The following NOX4 variants were observed in gnomAD, a reference collection of about 807,000 sequenced individuals.
NOX4 encodes NADPH oxidase 4, also known as kidney oxidase-1.
In NOX4, 69 loss-of-function variants were observed where a neutral mutation model predicts 87.6. The ratio of observed to expected loss-of-function variants is 0.79; its 90% CI spans 0.65 to 0.96. The LOEUF (loss-of-function observed/expected upper bound fraction) is 0.96, where lower values mean the gene tolerates loss of function less well. NOX4 is among the 40% of genes least tolerant of loss of function. The pLI is 0.00. For synonymous variants in NOX4, 275 were observed against 238.2 expected, an observed-to-expected ratio of 1.15 and a Z score of -1.42; for missense variants, 680 against 681.5, an observed-to-expected ratio of 1.00 and a Z score of 0.02.
At chr11:89,420,348 C>G (rs917730882) in intron 8 of NOX4, among the ~76,000 whole-genome samples, 3 of 152,074 alleles carry the variant, frequency 2.0e-5, no homozygotes, top group African/African-American at 7.2e-5. Flanking sequence ...TTAGTTGTAT[C>G]TGGTTATTCA....
the NOX4 span, among the ~76,000 whole-genome samples, chr11:89,563,728 T>C: frequency 6.6e-6 from 1 of 152,204 alleles, no homozygotes; most frequent in Admixed American, 6.5e-5. Flanking sequence ...CTGATTATTG[T>C]AGAAAATGAA....
chr11:89,443,147 T>A (rs1212675185), intron 5 of NOX4, among the ~76,000 whole-genome samples: 1 of 152,170 alleles, frequency 6.6e-6, no homozygotes, highest in Non-Finnish European at 1.5e-5. Context: ...TTAGATCATG[T>A]TGGTATTTTT....
At chr11:89,567,124 C>A in the NOX4 span, among the ~76,000 whole-genome samples, 5 of 152,154 alleles carry the variant, frequency 3.3e-5, no homozygotes, top group Non-Finnish European at 7.4e-5. Flanking sequence ...TGGGACGGGG[C>A]CAGTCTGATC....
chr11:89,421,836 G>T, intron 8 of NOX4, 66 bp downstream of exon 8: 1 of 901,310 alleles, frequency 1.1e-6, no homozygotes, highest in South Asian at 1.6e-5. Flanking sequence ...ATTTCCTATA[G>T]AGTTTTCTTT....
chr11:89,378,180 A>G (rs1178263542), intron 11 of NOX4, among the ~76,000 whole-genome samples: 1 of 152,168 alleles, frequency 6.6e-6, no homozygotes, highest in Non-Finnish European at 1.5e-5. Context: ...GGCCAAGCAC[A>G]TCTGTTTCAA....
chr11:89,460,925 T>C (rs897820004), intron 2 of NOX4, among the ~76,000 whole-genome samples: 3 of 152,148 alleles, frequency 2.0e-5, no homozygotes, highest in African/African-American at 7.2e-5. Flanking sequence ...CCAACAATGA[T>C]AGACTGGATT....
chr11:89,585,975 G>A, the NOX4 span, among the ~76,000 whole-genome samples: 1 of 151,776 alleles, frequency 6.6e-6, no homozygotes, highest in African/African-American at 2.4e-5. Flanking sequence ...TTAATTTCTT[G>A]TTCACCTCAA....
intron 2 of NOX4, among the ~76,000 whole-genome samples, chr11:89,477,378 G>A (rs527605952): frequency 1.2e-4 from 18 of 152,160 alleles, no homozygotes; most frequent in African/African-American, 4.1e-4. Flanking sequence ...GAGCTCAGGT[G>A]GTAATACAAG....
chr11:89,502,581 G>A (rs1947034098), upstream of NOX4, among the ~76,000 whole-genome samples: 1 of 151,952 alleles, frequency 6.6e-6, no homozygotes, highest in African/African-American at 2.4e-5. Flanking sequence ...TTACATGAGG[G>A]AGAATAAAAC....
At chr11:89,586,516 A>C in the NOX4 span, among the ~76,000 whole-genome samples, 1 of 152,176 alleles carries the variant, frequency 6.6e-6, no homozygotes, top group Non-Finnish European at 1.5e-5. Context: ...AAATAATGCA[A>C]GTAACTCATT....
At chr11:89,362,022 G>T (rs1247029826) in intron 12 of NOX4, among the ~76,000 whole-genome samples, 1 of 152,036 alleles carries the variant, frequency 6.6e-6, no homozygotes, top group Admixed American at 6.6e-5. Context: ...ACTCTGATGG[G>T]CAATATTTGC....
chr11:89,440,758 C>T lies in NOX4; in HGVS notation c.448-43G>A, dbSNP rs1293964733. On this transcript the variant is annotated intron_variant, in intron 5 of 17. Coordinates refer to ENST00000263317, the MANE Select transcript of NOX4 (RefSeq NM_016931.5). The stretch of plus-strand genomic sequence containing the variant: ...AAATAAATGATTAAAAACTAAAGCA[C>T]TGATGATATATAATTCTATAAAGAG... 6 of 1,140,180 alleles carry T rather than the reference C, an allele frequency of 5.3e-6. No individual in the cohort carries two copies. In the East Asian group the frequency reaches 1.5e-4, roughly 29 times the overall value. 70.6% of individuals were successfully genotyped at this position (1,140,180 alleles called of 1,614,324 possible).
chr11:89,511,603 C>T, the NOX4 span, among the ~76,000 whole-genome samples: 6 of 152,048 alleles, frequency 3.9e-5, no homozygotes, highest in South Asian at 1.2e-3. Flanking sequence ...ATCCTGATTA[C>T]AAATATCTGT....
upstream of NOX4, among the ~76,000 whole-genome samples, chr11:89,495,425 T>C (rs1249538326): frequency 6.6e-6 from 1 of 152,124 alleles, no homozygotes; most frequent in Non-Finnish European, 1.5e-5. Flanking sequence ...TGTGTGTGTG[T>C]CAAATCACCC....
At chr11:89,573,575 A>G in the NOX4 span, among the ~76,000 whole-genome samples, 2,165 of 152,312 alleles carry the variant, frequency 0.014, 40 homozygotes, top group African/African-American at 0.045. Flanking sequence ...TATCTGAGTT[A>G]CCAGCTGCGA....
intron 13 of NOX4, among the ~76,000 whole-genome samples, chr11:89,349,294 A>G (rs2134950836): frequency 1.0e-5 from 1 of 96,076 alleles, no homozygotes; most frequent in South Asian, 2.9e-4. Flanking sequence ...CTAAAAAATA[A>G]AATAAAATAA....
chr11:89,334,983 G>A (rs974375123), intron 17 of NOX4, among the ~76,000 whole-genome samples: 1 of 151,666 alleles, frequency 6.6e-6, no homozygotes, highest in African/African-American at 2.4e-5. Flanking sequence ...ATGTATTTTT[G>A]TAATAAATGA....
chr11:89,327,885 T>C (rs1945285325), intron 17 of NOX4, among the ~76,000 whole-genome samples: 1 of 151,982 alleles, frequency 6.6e-6, no homozygotes, highest in African/African-American at 2.4e-5. Flanking sequence ...ACATTAAAAA[T>C]CTAGAAAAAA....
chr11:89,539,400 C>T, the NOX4 span, among the ~76,000 whole-genome samples: 1 of 151,952 alleles, frequency 6.6e-6, no homozygotes, highest in Admixed American at 6.6e-5. Flanking sequence ...CCACTGCACT[C>T]CAGCTTGGGC....
Sources: allele counts gnomAD v4.1 joint callset (sites outside exome capture counted in the v4.1 genomes callset), GRCh38; gene constraint gnomAD v4.1.1; transcripts MANE v1.5; gene names NCBI Gene and HGNC (gene_info 2026-07-23, HGNC 2026-07-21).